PTPRK: variants seen among roughly 807,000 people sequenced by gnomAD.
PTPRK encodes receptor-type tyrosine-protein phosphatase kappa.
In PTPRK, 75 loss-of-function variants were observed where a neutral mutation model predicts 178.0. The observed-to-expected ratio is 0.42, with a 90% CI of 0.35 to 0.51. The LOEUF (loss-of-function observed/expected upper bound fraction) is 0.51. Ranked by LOEUF, PTPRK falls within the 20% of genes least tolerant of loss-of-function variation. PTPRK has a pLI of 0.02. For synonymous variants in PTPRK, 637 were observed against 620.6 expected, an observed-to-expected ratio of 1.03 and a Z score of -0.39; for missense variants, 1,441 against 1,797.8, an observed-to-expected ratio of 0.80 and a Z score of 3.59.
intron 11 of PTPRK, among the ~76,000 whole-genome samples, chr6:128,071,113 G>C (rs1212563847): frequency 8.1e-6 from 1 of 123,118 alleles, no homozygotes; most frequent in Non-Finnish European, 2.0e-5. Flanking sequence ...TGAGGATAGA[G>C]AGGTTAAAAA....
At chr6:128,051,619 C>T (rs931425486) in intron 13 of PTPRK, among the ~76,000 whole-genome samples, 7 of 152,116 alleles carry the variant, frequency 4.6e-5, no homozygotes, top group South Asian at 2.1e-4. Context: ...ATGCATCTTT[C>T]GATCCGGTTG....
chr6:128,298,704 T>C (rs1408738470), intron 3 of PTPRK, among the ~76,000 whole-genome samples: 1 of 152,098 alleles, frequency 6.6e-6, no homozygotes, highest in Non-Finnish European at 1.5e-5. Flanking sequence ...AAATTAGGTA[T>C]TGATGGGACG....
intron 5 of PTPRK, among the ~76,000 whole-genome samples, chr6:128,233,496 T>G (rs960459306): frequency 1.4e-4 from 21 of 152,190 alleles, no homozygotes; most frequent in Non-Finnish European, 2.6e-4. Flanking sequence ...GCTCTGGTTG[T>G]TTTTGAGAGC....
intron 7 of PTPRK, among the ~76,000 whole-genome samples, chr6:128,110,831 G>A (rs1336686220): frequency 6.6e-6 from 1 of 152,124 alleles, no homozygotes; most frequent in East Asian, 1.9e-4. Flanking sequence ...GGGGAAACAA[G>A]CTCACATGGG....
intron 2 of PTPRK, among the ~76,000 whole-genome samples, chr6:128,368,948 A>G (rs1477250405): frequency 6.8e-6 from 1 of 147,688 alleles, no homozygotes; most frequent in East Asian, 1.9e-4. Flanking sequence ...AAAACAAACA[A>G]ACAAAAAAAA....
intron 8 of PTPRK, among the ~76,000 whole-genome samples, chr6:128,089,121 C>G (rs1452017139): frequency 6.6e-6 from 1 of 152,128 alleles, no homozygotes. Context: ...CGCCACCACA[C>G]CCAGTTAATT....
chr6:128,293,310 C>T (rs1253685254), intron 3 of PTPRK, among the ~76,000 whole-genome samples: 4 of 152,152 alleles, frequency 2.6e-5, no homozygotes, highest in South Asian at 2.1e-4. Context: ...CTGCTCTCTG[C>T]TTCCAAGATG....
At chr6:128,195,362 A>G (rs1804685113) in intron 6 of PTPRK, among the ~76,000 whole-genome samples, 1 of 152,004 alleles carries the variant, frequency 6.6e-6, no homozygotes, top group Non-Finnish European at 1.5e-5. Flanking sequence ...GTCAATATTA[A>G]GCACATGAAA....
In PTPRK at chr6:128,093,069, G is replaced by C. The variant is rs866602162; in HGVS notation, c.1163-3077C>G. 2.6e-5 allele frequency among the ~76,000 whole-genome samples: 4 copies of C among 152,248 alleles called. No homozygotes were observed. In the South Asian group the frequency reaches 8.3e-4, roughly 32 times the overall value. The stretch of plus-strand genomic sequence containing the variant: ...TAACAAATAAAAAACCATAATGGTG[G>C]TGAAACAATGGAGAACACATTCATG... On this transcript the variant is annotated intron_variant, in intron 7 of 29. Transcript: ENST00000368226.
chr6:128,451,758 T>C (rs929854367), intron 1 of PTPRK, among the ~76,000 whole-genome samples: 3 of 152,174 alleles, frequency 2.0e-5, no homozygotes, highest in African/African-American at 7.2e-5. Context: ...ATGGTAAATA[T>C]TGATAGACAT....
intron 1 of PTPRK, among the ~76,000 whole-genome samples, chr6:128,406,201 C>T (rs986494912): frequency 6.6e-6 from 1 of 151,766 alleles, no homozygotes; most frequent in African/African-American, 2.4e-5. Context: ...TGCAGTAAGC[C>T]ATGATCATAC....
chr6:128,089,857 C>T lies in PTPRK; in HGVS notation c.1298G>A (p.Arg433His), dbSNP rs755929142. ...GTCTGCCTTGCTCTCGTTGTGACCA[C>T]GGAAGTAATGGTAGCAGATAGTGAC... ...FNVTICYHYF[R>H]GHNESKADCL... Residue 433 changes from arginine (R) to histidine (H), a missense_variant, in exon 8 of 30, where the codon CGT becomes CAT. This residue lies in a region of PTPRK where 945 missense variants were observed against 1,080.6 expected (regional missense o/e 0.87). Coordinates refer to ENST00000368226, the MANE Select transcript of PTPRK (RefSeq NM_002844.4). The T allele has an allele frequency of 8.1e-6, 13 of 1,613,846 alleles. No homozygotes were observed. In the Admixed American group the frequency reaches 8.3e-5, roughly 10 times the overall value.
At position 128,059,545 on chromosome 6, in the gene PTPRK, AG is replaced by A. The variant is rs576846788; in HGVS notation, c.2194+5212del. 1.5e-3 allele frequency among the ~76,000 whole-genome samples: 222 copies of A among 152,234 alleles called. 2 individuals are homozygous for A. The highest frequency in any genetic ancestry group is 2.3e-3 in the Non-Finnish European group (157 of 67,980). Reference sequence around the variant, plus strand: ...AGGTTGTACCAATTTATGTTTTTCCAGTCTCTTCTAAGTATGTGATTACAGC... The same window carrying A: ...AGGTTGTACCAATTTATGTTTTTCCATCTCTTCTAAGTATGTGATTACAGC... On this transcript the variant is annotated intron_variant, in intron 13 of 29. Coordinates refer to ENST00000368226, the MANE Select transcript of PTPRK (RefSeq NM_002844.4).
intron 7 of PTPRK, among the ~76,000 whole-genome samples, chr6:128,149,383 A>G (rs182270055): frequency 6.6e-6 from 1 of 152,176 alleles, no homozygotes; most frequent in Non-Finnish European, 1.5e-5. Flanking sequence ...CAGAATAAAT[A>G]TATTAAACCT....
At chr6:128,431,923 C>T (rs1465673112) in intron 1 of PTPRK, among the ~76,000 whole-genome samples, 1 of 151,270 alleles carries the variant, frequency 6.6e-6, no homozygotes, top group Non-Finnish European at 1.5e-5. Context: ...CTTTTTTAGA[C>T]ATAGTGGAAA....
intron 6 of PTPRK, among the ~76,000 whole-genome samples, chr6:128,214,307 G>T (rs907730649): frequency 6.6e-6 from 1 of 152,002 alleles, no homozygotes; most frequent in Admixed American, 6.6e-5. Context: ...GATTACCTAT[G>T]ATTCATACTG....
chr6:128,088,143 G>A (rs573749280), intron 8 of PTPRK, among the ~76,000 whole-genome samples: 9 of 152,104 alleles, frequency 5.9e-5, no homozygotes, highest in Middle Eastern at 6.8e-3. Flanking sequence ...TTTGGGAGGC[G>A]GAGGCGGGTG....
chr6:128,069,694 A>G (rs1782478056), intron 11 of PTPRK, among the ~76,000 whole-genome samples: 2 of 152,294 alleles, frequency 1.3e-5, no homozygotes, highest in South Asian at 4.1e-4. Flanking sequence ...CCTTAAAAAT[A>G]GATTCTTCAT....
At chr6:127,989,814 G>GTTTTTTT (rs35498015) in intron 21 of PTPRK, among the ~76,000 whole-genome samples, 2 of 147,326 alleles carry the variant, frequency 1.4e-5, no homozygotes, top group Non-Finnish European at 1.5e-5. Flanking sequence ...AGAGATTCTA[G>GTTTTTTT]TTTTTTTTTT....
Sources: allele counts gnomAD v4.1 joint callset (sites outside exome capture counted in the v4.1 genomes callset), GRCh38; gene constraint gnomAD v4.1.1; regional missense constraint gnomAD v4.1.1; transcripts MANE v1.5; gene names NCBI Gene and HGNC (gene_info 2026-07-23, HGNC 2026-07-21).